NEMP2: variants seen among roughly 807,000 people sequenced by gnomAD.
NEMP2 encodes UPF0571 transmembrane protein.
In NEMP2, 53 loss-of-function variants were observed where a neutral mutation model predicts 54.2. That is an observed-to-expected ratio of 0.98 (90% CI 0.78 to 1.23). The LOEUF (loss-of-function observed/expected upper bound fraction) is 1.23. Ranked by LOEUF, NEMP2 falls within the 50% of genes most tolerant of loss-of-function variation. The pLI is 0.00. For synonymous variants in NEMP2, 197 were observed against 190.3 expected, an observed-to-expected ratio of 1.04 and a Z score of -0.29; for missense variants, 455 against 511.3, an observed-to-expected ratio of 0.89 and a Z score of 1.06.
the NEMP2 span, among the ~76,000 whole-genome samples, chr2:190,484,613 C>G: frequency 2.0e-5 from 3 of 152,066 alleles, no homozygotes; most frequent in Non-Finnish European, 4.4e-5. Flanking sequence ...AAAACATTGG[C>G]AAGAGCTTCA....
the NEMP2 span, among the ~76,000 whole-genome samples, chr2:190,585,778 G>A: frequency 6.6e-6 from 1 of 152,176 alleles, no homozygotes; most frequent in Non-Finnish European, 1.5e-5. This position sits in a 1 kb window ranked among gnomAD's most constrained non-coding sequence, Gnocchi z 5.3. Context: ...GGCTCAGGCT[G>A]AGGAGCAGTC....
the NEMP2 span, among the ~76,000 whole-genome samples, chr2:190,570,096 T>G: frequency 6.6e-6 from 1 of 152,206 alleles, no homozygotes; most frequent in African/African-American, 2.4e-5. This position sits in a 1 kb window ranked among gnomAD's most constrained non-coding sequence, Gnocchi z 5.4. Flanking sequence ...TACCCAGTGT[T>G]GTACAATTAT....
the NEMP2 span, among the ~76,000 whole-genome samples, chr2:190,560,381 G>A: frequency 6.6e-6 from 1 of 152,058 alleles, no homozygotes; most frequent in Non-Finnish European, 1.5e-5. This position sits in a 1 kb window ranked among gnomAD's most constrained non-coding sequence, Gnocchi z 5.4. Flanking sequence ...ATGCTCATCG[G>A]TTTTAACATC....
At position 190,513,522 on chromosome 2, in the gene NEMP2, G is replaced by C. The variant is rs745614404; in HGVS notation, c.953+931C>G. Among the ~76,000 whole-genome samples the C allele has an allele frequency of 1.3e-5, 2 of 152,178 alleles. No homozygotes were observed. Among genetic ancestry groups the C allele is most frequent in the Non-Finnish European group, 2.9e-5 (2 of 68,034 alleles). ...TGCTGTAGAGGCAGCAGTCAGAGTG[G>C]ACCAACTAAAATGTCTCATGGTTAA... On this transcript the variant is annotated intron_variant, in intron 7 of 8. Coordinates refer to ENST00000409150, the MANE Select transcript of NEMP2 (RefSeq NM_001142645.2). The surrounding 1 kb of genome is among the most constrained non-coding windows in gnomAD (Gnocchi z 5.3).
the NEMP2 span, among the ~76,000 whole-genome samples, chr2:190,627,045 T>C: frequency 3.2e-4 from 48 of 152,258 alleles, no homozygotes; most frequent in Non-Finnish European, 6.5e-4. The surrounding 1 kb of genome is among the most constrained non-coding windows in gnomAD (Gnocchi z 4.4). Flanking sequence ...ACACTTGTTT[T>C]TTGTCACACT....
the NEMP2 span, chr2:190,624,934 T>C: frequency 6.6e-6 from 1 of 152,180 alleles, no homozygotes; most frequent in Admixed American, 6.5e-5. Flanking sequence ...AAATCATCTA[T>C]CATCAAAAAG....
chr2:190,643,023 GT>G, the NEMP2 span, among the ~76,000 whole-genome samples: 68 of 79,560 alleles, frequency 8.5e-4, no homozygotes, highest in South Asian at 3.2e-3. Flanking sequence ...AATGGTTAAG[GT>G]TTTTTTTTTT....
At chr2:190,648,024 G>T in the NEMP2 span, among the ~76,000 whole-genome samples, 2 of 152,122 alleles carry the variant, frequency 1.3e-5, no homozygotes, top group Non-Finnish European at 2.9e-5. Flanking sequence ...GTACATTTTT[G>T]AAGGTGCTTT....
At chr2:190,571,788 T>G in the NEMP2 span, among the ~76,000 whole-genome samples, 2 of 152,202 alleles carry the variant, frequency 1.3e-5, no homozygotes, top group South Asian at 4.2e-4. Context: ...ATAACTGGTT[T>G]GTCTCTTTTC....
chr2:190,513,886 T>G lies in NEMP2; in HGVS notation c.953+567A>C, dbSNP rs1690458052. On this transcript the variant is annotated intron_variant, in intron 7 of 8. Coordinates refer to ENST00000409150, the MANE Select transcript of NEMP2 (RefSeq NM_001142645.2). This position sits in a 1 kb window ranked among gnomAD's most constrained non-coding sequence, Gnocchi z 5.3. Reference sequence around the variant, plus strand: ...CAAGGGCAAGAACCATCTCCATCTGTGCACCTGACATGAAAACAGCTGCTC... The same window carrying G: ...CAAGGGCAAGAACCATCTCCATCTGGGCACCTGACATGAAAACAGCTGCTC... Among the ~76,000 whole-genome samples the G allele has an allele frequency of 6.6e-6, 1 of 152,176 alleles. No individual in the cohort carries two copies. The highest frequency in any genetic ancestry group is 1.5e-5 in the Non-Finnish European group (1 of 68,034).
the NEMP2 span, among the ~76,000 whole-genome samples, chr2:190,542,810 A>G: frequency 6.6e-6 from 1 of 152,192 alleles, no homozygotes; most frequent in Non-Finnish European, 1.5e-5. This position sits in a 1 kb window ranked among gnomAD's most constrained non-coding sequence, Gnocchi z 4.6. Context: ...AGAGATCACT[A>G]AGTTTCCCTA....
the NEMP2 span, among the ~76,000 whole-genome samples, chr2:190,458,496 TTC>T: frequency 6.6e-6 from 1 of 152,124 alleles, no homozygotes; most frequent in Non-Finnish European, 1.5e-5. The surrounding 1 kb of genome is among the most constrained non-coding windows in gnomAD (Gnocchi z 5.3). Context: ...GAAAATAAAT[TTC>T]TGTTGTTGAA....
chr2:190,636,789 T>G, the NEMP2 span, among the ~76,000 whole-genome samples: 34 of 152,238 alleles, frequency 2.2e-4, no homozygotes, highest in South Asian at 1.0e-3. Flanking sequence ...TAGCACCTTA[T>G]TTGTCACATC....
chr2:190,443,739 C>T, the NEMP2 span, among the ~76,000 whole-genome samples: 1 of 152,140 alleles, frequency 6.6e-6, no homozygotes, highest in Admixed American at 6.5e-5. This position sits in a 1 kb window ranked among gnomAD's most constrained non-coding sequence, Gnocchi z 4.2. Context: ...ATCTTTTGCT[C>T]TTATAAACAA....
At chr2:190,592,671 G>A in the NEMP2 span, among the ~76,000 whole-genome samples, 1 of 151,918 alleles carries the variant, frequency 6.6e-6, no homozygotes. This position sits in a 1 kb window ranked among gnomAD's most constrained non-coding sequence, Gnocchi z 4.4. Flanking sequence ...TGTTGTGTAT[G>A]TTACCCTCCA....
the NEMP2 span, among the ~76,000 whole-genome samples, chr2:190,442,088 A>G: frequency 6.6e-6 from 1 of 152,202 alleles, no homozygotes; most frequent in African/African-American, 2.4e-5. Context: ...CTTTTTCCCC[A>G]TTCTGATTCC....
chr2:190,645,382 T>C, the NEMP2 span, among the ~76,000 whole-genome samples: 16 of 152,206 alleles, frequency 1.1e-4, no homozygotes, highest in Non-Finnish European at 1.0e-4. Context: ...AAATCTAATA[T>C]GAATTACTTT....
the NEMP2 span, among the ~76,000 whole-genome samples, chr2:190,481,924 A>G: frequency 1.3e-5 from 2 of 152,142 alleles, no homozygotes; most frequent in East Asian, 3.8e-4. Flanking sequence ...TCTGACAGAG[A>G]GACTGGCTTG....
upstream of NEMP2, among the ~76,000 whole-genome samples, chr2:190,537,131 T>C (rs768412775): frequency 1.3e-5 from 2 of 152,006 alleles, no homozygotes; most frequent in South Asian, 2.1e-4. Flanking sequence ...TGAATATATA[T>C]AGAGAATTTC....
Sources: gnomAD v4.1 joint callset for allele counts (sites outside exome capture counted in the v4.1 genomes callset) on GRCh38, gnomAD v4.1.1 for gene constraint, Gnocchi (gnomAD v3.1) non-coding constraint, MANE v1.5 for transcripts, NCBI Gene and HGNC (gene_info 2026-07-23, HGNC 2026-07-21) for gene names.